ASXL3: variants seen among roughly 807,000 people sequenced by gnomAD.
ASXL3 encodes putative Polycomb group protein ASXL3.
In ASXL3, 34 loss-of-function variants were observed where a neutral mutation model predicts 170.6. The ratio of observed to expected loss-of-function variants is 0.20; its 90% CI spans 0.15 to 0.27. The LOEUF is 0.27. Among genes scored for constraint, ASXL3 ranks in the 10% least tolerant of loss-of-function variants. ASXL3 has a pLI of 1.00. For missense variants in ASXL3, 2,592 were observed against 2,695.3 expected (o/e 0.96, Z 0.85); for synonymous variants, 1,002 against 989.1 (o/e 1.01, Z -0.24).
intron 2 of ASXL3, among the ~76,000 whole-genome samples, chr18:33,636,979 T>G (rs1475783407): frequency 6.6e-6 from 1 of 152,136 alleles, no homozygotes; most frequent in African/African-American, 2.4e-5. Flanking sequence ...GTATTGCAAA[T>G]ACATAGTATT....
chr18:33,706,979 C>T (rs1416667492), intron 8 of ASXL3, among the ~76,000 whole-genome samples: 1 of 151,734 alleles, frequency 6.6e-6, no homozygotes, highest in Non-Finnish European at 1.5e-5. Context: ...TCCAGTTGAC[C>T]AAACATATCT....
At chr18:33,588,706 A>G (rs1362397601) in intron 1 of ASXL3, among the ~76,000 whole-genome samples, 3 of 152,190 alleles carry the variant, frequency 2.0e-5, no homozygotes, top group Non-Finnish European at 4.4e-5. Flanking sequence ...TAGGTGCCAG[A>G]GAGCGATGAT....
In ASXL3 at chr18:33,578,482, GCCGC is replaced by G. The variant is rs1435482322; in HGVS notation, c.-148_-145del. The G allele has an allele frequency of 4.7e-6, 1 of 213,102 alleles. No individual in the cohort carries two copies. The highest frequency in any genetic ancestry group is 8.0e-6 in the Non-Finnish European group (1 of 124,710). 13.2% of individuals were successfully genotyped at this position (213,102 alleles called of 1,614,324 possible). On this transcript the variant is annotated 5_prime_UTR_variant, in exon 1 of 12. Transcript: ENST00000269197. ...ACCCGCCGCCGCCGCCGCCGCCGCC[GCCGC>G]CGCCGCCGCCGCCACCGCCCGCGCG... is the stretch of plus-strand genomic sequence containing the variant.
intron 1 of ASXL3, among the ~76,000 whole-genome samples, chr18:33,585,343 G>A (rs772389966): frequency 1.5e-4 from 23 of 151,978 alleles, no homozygotes; most frequent in Non-Finnish European, 2.8e-4. Flanking sequence ...TAGCCCTGAC[G>A]GAAACTTTCC....
intron 8 of ASXL3, among the ~76,000 whole-genome samples, chr18:33,709,440 A>G (rs913350822): frequency 7.2e-5 from 11 of 152,214 alleles, no homozygotes; most frequent in Admixed American, 2.6e-4. Context: ...CCAGTGTTTG[A>G]ATTTACAATG....
intron 5 of ASXL3, among the ~76,000 whole-genome samples, chr18:33,663,716 T>C (rs8093365): frequency 0.02 from 3,053 of 152,260 alleles, 107 homozygotes; most frequent in African/African-American, 0.07. Context: ...TGATTAATAA[T>C]CAAATTCAGA....
At chr18:33,610,395 A>T (rs902663542) in intron 2 of ASXL3, among the ~76,000 whole-genome samples, 1 of 151,950 alleles carries the variant, frequency 6.6e-6, no homozygotes, top group Admixed American at 6.6e-5. Flanking sequence ...TATGGATGAA[A>T]GGTAATGTTT....
At chr18:33,603,715 G>A (rs567306720) in intron 1 of ASXL3, among the ~76,000 whole-genome samples, 1 of 152,176 alleles carries the variant, frequency 6.6e-6, no homozygotes, top group Admixed American at 6.6e-5. Context: ...AACCTTTCAT[G>A]GAGTAGAAGT....
chr18:33,596,537 C>A (rs180866156), intron 1 of ASXL3, among the ~76,000 whole-genome samples: 1 of 152,034 alleles, frequency 6.6e-6, no homozygotes, highest in Non-Finnish European at 1.5e-5. Context: ...TCATTTTATA[C>A]GATTATCTAA....
At chr18:33,709,505 A>G (rs1013713818) in intron 8 of ASXL3, among the ~76,000 whole-genome samples, 1 of 152,180 alleles carries the variant, frequency 6.6e-6, no homozygotes, top group African/African-American at 2.4e-5. Context: ...CACAAATACA[A>G]TGTTGAGCAT....
chr18:33,597,150 A>G (rs765024281), intron 1 of ASXL3, among the ~76,000 whole-genome samples: 3 of 152,142 alleles, frequency 2.0e-5, no homozygotes, highest in Non-Finnish European at 4.4e-5. Context: ...TAACAACTAT[A>G]TAACTTATAT....
chr18:33,743,239 C>T lies in ASXL3; in HGVS notation c.3391C>T (p.Pro1131Ser), dbSNP rs189035129. The T allele has an allele frequency of 6.4e-4, 1,029 of 1,613,970 alleles. 3 individuals carry two copies. The highest frequency in any genetic ancestry group is 5.5e-4 in the Non-Finnish European group (654 of 1,179,846). Reference sequence around the variant, plus strand: ...GACCTCTAAAGAGACCCGGTTGCCTCCTCCGCTCAGCTCAAAGGAAGGGCC... The same window carrying T: ...GACCTCTAAAGAGACCCGGTTGCCTTCTCCGCTCAGCTCAAAGGAAGGGCC... ...FQTSKETRLP[P>S]PLSSKEGPPN... is the part of the protein sequence containing the mutation. The change falls in exon 12 of 12, where the codon CCT becomes TCT. Residue 1131 changes from proline (P) to serine (S), a missense_variant. Pro to Ser is a moderately conservative substitution (Grantham distance 74, BLOSUM62 -1). Around this residue, in one of 4 missense-constraint regions of ASXL3, gnomAD observed 2,246 missense variants for 2,219.6 expected, o/e 1.01. Transcript: ENST00000269197.
chr18:33,738,444 T>C (rs1376559405), intron 10 of ASXL3, 43 bp from the exon 11 acceptor site: 1 of 1,525,346 alleles, frequency 6.6e-7, no homozygotes, highest in Admixed American at 2.1e-5. Context: ...GTACCTTTTA[T>C]GTTTTGTGGT....
At chr18:33,626,100 C>T (rs1033737480) in intron 2 of ASXL3, among the ~76,000 whole-genome samples, 3 of 150,354 alleles carry the variant, frequency 2.0e-5, no homozygotes, top group Non-Finnish European at 4.4e-5. Flanking sequence ...ATAAAGGACT[C>T]AATGAAAAAA....
chr18:33,580,012 A>G (rs2064979056), intron 1 of ASXL3, among the ~76,000 whole-genome samples: 1 of 152,208 alleles, frequency 6.6e-6, no homozygotes, highest in South Asian at 2.1e-4. Flanking sequence ...AGGGTTTTAG[A>G]TAATTGGCCC....
Position 33,644,885 on chromosome 18 carries a change from A to AT in ASXL3, c.138-5dup, listed in dbSNP as rs1240491821. The AT allele has an allele frequency of 2.0e-6, 3 of 1,534,348 alleles. No homozygotes were observed. Among genetic ancestry groups the AT allele is most frequent in the Non-Finnish European group, 2.7e-6 (3 of 1,129,648 alleles). On this transcript the variant is annotated splice_polypyrimidine_tract_variant and intron_variant, in intron 2 of 11. Coordinates refer to ENST00000269197, the MANE Select transcript of ASXL3 (RefSeq NM_030632.3). Reference sequence around the variant, plus strand: ...GACTGCTTCATTTTTGCACACTTTTATTTTCTAGTGGAACCTCTCCATTAG... The same window carrying AT: ...GACTGCTTCATTTTTGCACACTTTTATTTTTCTAGTGGAACCTCTCCATTAG...
chr18:33,606,693 T>C (rs769498031), intron 1 of ASXL3, among the ~76,000 whole-genome samples: 1 of 151,988 alleles, frequency 6.6e-6, no homozygotes, highest in Non-Finnish European at 1.5e-5. Flanking sequence ...GCATAGCATC[T>C]TTAATTAGGT....
At chr18:33,690,206 G>A (rs1410659567) in intron 8 of ASXL3, 5 of 152,082 alleles carry the variant, frequency 3.3e-5, no homozygotes, top group African/African-American at 1.2e-4. Context: ...GCACGTTAAA[G>A]TGTTCTGATC....
chr18:33,683,613 T>C (rs1193357232), intron 8 of ASXL3, 45 bp downstream of exon 8: 1 of 1,536,338 alleles, frequency 6.5e-7, no homozygotes, highest in Non-Finnish European at 8.8e-7. Flanking sequence ...CTAGTTATAT[T>C]ATGATGAAGT....
Sources: gnomAD v4.1 joint callset for allele counts (sites outside exome capture counted in the v4.1 genomes callset) on GRCh38, gnomAD v4.1.1 for gene constraint, gnomAD v4.1.1 regional missense constraint, MANE v1.5 for transcripts, NCBI Gene and HGNC (gene_info 2026-07-23, HGNC 2026-07-21) for gene names.